The following SPATA6 variants were observed in gnomAD, a reference collection of about 807,000 sequenced individuals.
The protein encoded by SPATA6 is spermatogenesis-associated protein 6.
A neutral mutation model predicts 65.3 loss-of-function variants in SPATA6; 56 were observed. That is an observed-to-expected ratio of 0.86 (90% CI 0.69 to 1.07). The LOEUF (loss-of-function observed/expected upper bound fraction) is 1.07. Ranked by LOEUF, SPATA6 falls within the 50% of genes least tolerant of loss-of-function variation. The pLI is 0.00. For synonymous variants in SPATA6, 199 were observed against 213.2 expected, an observed-to-expected ratio of 0.93 and a Z score of 0.58; for missense variants, 590 against 594.8, an observed-to-expected ratio of 0.99 and a Z score of 0.08.
chr1:48,428,575 A>G (rs1654061758), intron 3 of SPATA6, among the ~76,000 whole-genome samples: 2 of 152,182 alleles, frequency 1.3e-5, no homozygotes, highest in South Asian at 4.1e-4. Context: ...TATGTTTACT[A>G]TTTATTAAGT....
Position 48,453,048 on chromosome 1 carries a change from T to C in SPATA6, c.135A>G (p.Gln45=), listed in dbSNP as rs141429477. The C allele has an allele frequency of 2.4e-4, 382 of 1,614,096 alleles. No homozygotes were observed. Among genetic ancestry groups the C allele is most frequent in the Non-Finnish European group, 3.0e-4 (352 of 1,180,016 alleles). Residue 45 remains glutamine (Q), a synonymous_variant, in exon 2 of 13, where the codon CAA becomes CAG. Coordinates refer to ENST00000371847, the MANE Select transcript of SPATA6 (RefSeq NM_019073.4). ...ICVFGQYKKT[Q]CVPATFPLVF... is the part of the protein sequence containing the mutation. The stretch of plus-strand genomic sequence containing the variant: ...CCAGGGGAAAAGTGGCTGGGACACA[T>C]TGTGTCTTTTTGTATTGGCCAAACA...
At chr1:48,314,636 A>G (rs1261158803) in intron 11 of SPATA6, among the ~76,000 whole-genome samples, 1 of 152,224 alleles carries the variant, frequency 6.6e-6, no homozygotes, top group Admixed American at 6.5e-5. Context: ...AAAGAACTAC[A>G]GAAGCAAGAG....
chr1:48,454,944 A>G (rs1408913175), intron 1 of SPATA6, among the ~76,000 whole-genome samples: 1 of 152,216 alleles, frequency 6.6e-6, no homozygotes, highest in African/African-American at 2.4e-5. Flanking sequence ...TGAATAAATG[A>G]CAAATACTTC....
chr1:48,463,976 T>C (rs532119249), intron 1 of SPATA6, among the ~76,000 whole-genome samples: 1 of 152,090 alleles, frequency 6.6e-6, no homozygotes, highest in South Asian at 2.1e-4. Flanking sequence ...GAAAGCATTA[T>C]TATATAATAA....
intron 11 of SPATA6, among the ~76,000 whole-genome samples, chr1:48,315,686 C>A (rs1645391614): frequency 6.6e-6 from 1 of 152,150 alleles, no homozygotes; most frequent in African/African-American, 2.4e-5. Context: ...GAAGTTCTGG[C>A]CACGGCAATG....
chr1:48,407,577 T>C (rs1261273869), intron 5 of SPATA6, among the ~76,000 whole-genome samples: 1 of 152,214 alleles, frequency 6.6e-6, no homozygotes, highest in African/African-American at 2.4e-5. Flanking sequence ...ACTTTAGTTC[T>C]CACTTACCAA....
At chr1:48,358,676 T>C (rs960130065) in intron 10 of SPATA6, among the ~76,000 whole-genome samples, 3 of 151,778 alleles carry the variant, frequency 2.0e-5, no homozygotes, top group South Asian at 2.1e-4. Context: ...TTTGATGTTA[T>C]TGTTGTTGTT....
intron 11 of SPATA6, among the ~76,000 whole-genome samples, chr1:48,334,723 T>A (rs764031399): frequency 1.3e-5 from 2 of 152,078 alleles, no homozygotes; most frequent in Non-Finnish European, 2.9e-5. Flanking sequence ...AAAATCGGCA[T>A]AAGACAAGGA....
Position 48,452,982 on chromosome 1 carries a change from A to G in SPATA6, c.189+12T>C. 1.2e-6 allele frequency: 2 copies of G among 1,609,262 alleles called. No homozygotes were observed. The highest frequency in any genetic ancestry group is 1.7e-6 in the Non-Finnish European group (2 of 1,178,790). ...TTTGTTTGTTAATACTTGATCTGAT[A>G]TTTGAACTCACCTTTTCAAACACCA... is the stretch of plus-strand genomic sequence containing the variant. On this transcript the variant is annotated intron_variant, in intron 2 of 12. Coordinates refer to ENST00000371847, the MANE Select transcript of SPATA6 (RefSeq NM_019073.4).
At chr1:48,435,761 G>A (rs544478457) in intron 3 of SPATA6, among the ~76,000 whole-genome samples, 1 of 152,200 alleles carries the variant, frequency 6.6e-6, no homozygotes, top group South Asian at 2.1e-4. Context: ...CCCGCACCGG[G>A]AGCGGGCCTA....
At chr1:48,447,946 A>G (rs981208053) in intron 3 of SPATA6, 4 of 152,160 alleles carry the variant, frequency 2.6e-5, no homozygotes, top group East Asian at 1.9e-4. Flanking sequence ...AGCTTTGCAC[A>G]TTGGCAGTAT....
downstream of SPATA6, among the ~76,000 whole-genome samples, chr1:48,292,039 G>A (rs1490572020): frequency 6.6e-6 from 1 of 152,128 alleles, no homozygotes; most frequent in African/African-American, 2.4e-5. Flanking sequence ...TAAATTATTT[G>A]GCAGCTAACT....
intron 3 of SPATA6, among the ~76,000 whole-genome samples, chr1:48,413,826 T>C (rs555396995): frequency 6.6e-6 from 1 of 152,174 alleles, no homozygotes; most frequent in Non-Finnish European, 1.5e-5. Flanking sequence ...TTTTATGCTA[T>C]ATGTATTACA....
chr1:48,455,842 GT>G (rs1175063112), intron 1 of SPATA6, among the ~76,000 whole-genome samples: 2 of 152,018 alleles, frequency 1.3e-5, no homozygotes, highest in African/African-American at 4.8e-5. Context: ...AGAAGGCATT[GT>G]TTTTTTCATC....
intron 9 of SPATA6, among the ~76,000 whole-genome samples, chr1:48,364,754 T>A (rs1055607641): frequency 6.5e-4 from 99 of 152,340 alleles, no homozygotes; most frequent in Non-Finnish European, 1.3e-3. Flanking sequence ...AGGTTGCCTG[T>A]TCACTCTGAT....
intron 1 of SPATA6, among the ~76,000 whole-genome samples, chr1:48,470,267 CAGCCAGCCAGTCAGGCAG>C (rs1658136167): frequency 6.6e-6 from 1 of 152,142 alleles, no homozygotes; most frequent in Non-Finnish European, 1.5e-5. Flanking sequence ...AGGGAAGCTG[CAGCCAGCCAGTCAGGCAG>C]CTGCGCTCAC....
intron 3 of SPATA6, among the ~76,000 whole-genome samples, chr1:48,441,002 C>T (rs1655410299): frequency 6.6e-6 from 1 of 152,174 alleles, no homozygotes; most frequent in South Asian, 2.1e-4. Context: ...AGGCCAGTCA[C>T]CTGGTTGGGC....
intron 3 of SPATA6, among the ~76,000 whole-genome samples, chr1:48,432,448 A>G (rs1654492159): frequency 6.6e-6 from 1 of 152,016 alleles, no homozygotes; most frequent in African/African-American, 2.4e-5. Flanking sequence ...AACGAAACCA[A>G]AAAAAAATTC....
intron 3 of SPATA6, among the ~76,000 whole-genome samples, chr1:48,437,924 G>A (rs1263454675): frequency 1.0e-4 from 15 of 149,532 alleles, no homozygotes; most frequent in East Asian, 3.9e-4. Flanking sequence ...ACCAATCAGC[G>A]CTCTGTGTCT....
Sources: allele counts gnomAD v4.1 joint callset (sites outside exome capture counted in the v4.1 genomes callset), GRCh38; gene constraint gnomAD v4.1.1; transcripts MANE v1.5; gene names NCBI Gene and HGNC (gene_info 2026-07-23, HGNC 2026-07-21).